Variants in ROCK2 observed in about 807,000 individuals in gnomAD.
ROCK2 encodes the protein Rho associated coiled-coil containing protein kinase 2, also known as rho-associated protein kinase 2.
Under a neutral mutation model 195.1 loss-of-function variants are expected in ROCK2, and 61 were observed. The observed-to-expected ratio is 0.31, with a 90% CI of 0.25 to 0.39. ROCK2 has a LOEUF of 0.39. Among genes scored for constraint, ROCK2 ranks in the 10% least tolerant of loss-of-function variants. ROCK2 has a pLI of 1.00. For missense variants in ROCK2, 1,109 were observed against 1,637.4 expected (o/e 0.68, Z 5.57); for synonymous variants, 504 against 545.5 (o/e 0.92, Z 1.06).
chr2:11,282,972 A>G (rs1667058795), intron 3 of ROCK2, among the ~76,000 whole-genome samples: 1 of 152,220 alleles, frequency 6.6e-6, no homozygotes, highest in Non-Finnish European at 1.5e-5. Context: ...CACTTCATCA[A>G]AGAAGATATA....
intron 3 of ROCK2, among the ~76,000 whole-genome samples, chr2:11,268,486 C>T (rs1666499721): frequency 2.0e-5 from 1 of 49,198 alleles, no homozygotes; most frequent in African/African-American, 4.4e-5. Context: ...GTGTTTTTTT[C>T]CTTGTGTGTG....
intron 3 of ROCK2, among the ~76,000 whole-genome samples, chr2:11,258,495 T>C (rs1032088121): frequency 6.6e-6 from 1 of 151,282 alleles, no homozygotes; most frequent in African/African-American, 2.5e-5. Flanking sequence ...ACATTCTGAA[T>C]CACCAAAACT....
At chr2:11,223,511 A>C (rs1426861099) in intron 7 of ROCK2, among the ~76,000 whole-genome samples, 1 of 152,176 alleles carries the variant, frequency 6.6e-6, no homozygotes, top group Non-Finnish European at 1.5e-5. Context: ...AATAAGCAAT[A>C]AGATGTGCTA....
chr2:11,323,004 TGAA>T (rs1429277164), intron 1 of ROCK2, among the ~76,000 whole-genome samples: 13 of 152,068 alleles, frequency 8.5e-5, no homozygotes, highest in African/African-American at 3.1e-4. Flanking sequence ...TTTTGAAGAG[TGAA>T]GAAGATTAAC....
At chr2:11,188,854 G>A (rs551749288) in intron 32 of ROCK2, among the ~76,000 whole-genome samples, 2 of 151,710 alleles carry the variant, frequency 1.3e-5, no homozygotes, top group South Asian at 4.2e-4. Flanking sequence ...TCGATCTCCT[G>A]ACCACGTGAT....
At chr2:11,297,745 C>A (rs1667580715) in intron 1 of ROCK2, among the ~76,000 whole-genome samples, 1 of 152,102 alleles carries the variant, frequency 6.6e-6, no homozygotes, top group Non-Finnish European at 1.5e-5. Context: ...CTTTTTGTGG[C>A]TATTACCACA....
intron 3 of ROCK2, among the ~76,000 whole-genome samples, chr2:11,256,736 T>G (rs942626134): frequency 1.3e-5 from 2 of 151,324 alleles, no homozygotes; most frequent in Admixed American, 6.6e-5. Flanking sequence ...TTATAAGAGA[T>G]AAGGTAATTT....
At chr2:11,306,617 T>A (rs78386663) in intron 1 of ROCK2, among the ~76,000 whole-genome samples, 2 of 152,148 alleles carry the variant, frequency 1.3e-5, no homozygotes, top group African/African-American at 2.4e-5. Flanking sequence ...TAAGAATCAA[T>A]TGCAAAATAA....
intron 6 of ROCK2, 58 bp downstream of exon 6, chr2:11,227,196 A>C: frequency 7.0e-7 from 1 of 1,436,632 alleles, no homozygotes; most frequent in Non-Finnish European, 9.5e-7. Flanking sequence ...CAAATTCTTG[A>C]CTGAAATAAA....
chr2:11,250,099 C>T (rs965596759), intron 3 of ROCK2, among the ~76,000 whole-genome samples: 4 of 152,010 alleles, frequency 2.6e-5, no homozygotes, highest in African/African-American at 7.2e-5. Context: ...AGCTAACCAA[C>T]TTTAAGAATG....
At chr2:11,321,435 CA>C (rs1421689448) in intron 1 of ROCK2, among the ~76,000 whole-genome samples, 1 of 151,370 alleles carries the variant, frequency 6.6e-6, no homozygotes, top group Non-Finnish European at 1.5e-5. Flanking sequence ...CTCAGCCTCC[CA>C]AGTGCTGGGA....
chr2:11,250,282 T>C (rs1292508742), intron 3 of ROCK2, among the ~76,000 whole-genome samples: 1 of 152,224 alleles, frequency 6.6e-6, no homozygotes, highest in Non-Finnish European at 1.5e-5. Context: ...TATTTCTCTT[T>C]AGGTGCCCTA....
At chr2:11,325,328 T>TC (rs1448753395) in intron 1 of ROCK2, among the ~76,000 whole-genome samples, 1 of 152,184 alleles carries the variant, frequency 6.6e-6, no homozygotes, top group East Asian at 1.9e-4. Flanking sequence ...TTGGAACCAA[T>TC]CCCCCTTGGA....
intron 18 of ROCK2, among the ~76,000 whole-genome samples, chr2:11,210,205 A>C (rs1370403860): frequency 6.6e-6 from 1 of 152,088 alleles, no homozygotes. Flanking sequence ...GAATTGGTTC[A>C]TTTTTATCAA....
chr2:11,235,720 C>A lies in ROCK2; in HGVS notation c.705G>T (p.Thr235=). The change falls in exon 5 of 33, where the codon ACG becomes ACT. Residue 235 remains threonine (T), a synonymous_variant. Coordinates refer to ENST00000315872, the MANE Select transcript of ROCK2 (RefSeq NM_004850.5). The surrounding 1 kb of genome is among the most constrained non-coding windows in gnomAD (Gnocchi z 4.2). ...HGHLKLADFG[T]CMKMDETGMV... ...TACTTACTTCATCCATCTTCATACA[C>A]GTGCCAAAATCTGCTAATTTTAGAT... 6.2e-7 allele frequency: 1 copy of A among 1,611,722 alleles called. No homozygotes were observed. Among genetic ancestry groups the A allele is most frequent in the Non-Finnish European group, 8.5e-7 (1 of 1,179,062 alleles).
chr2:11,342,621 C>T (rs1410614065), intron 1 of ROCK2, among the ~76,000 whole-genome samples: 1 of 152,170 alleles, frequency 6.6e-6, no homozygotes, highest in African/African-American at 2.4e-5. Context: ...AGTGAAAATG[C>T]TGGGAGTGCA....
In ROCK2 at chr2:11,197,079, A is replaced by C. The variant is rs1663666949; in HGVS notation, c.3448+101T>G. 6 of 712,582 alleles carry C rather than the reference A, an allele frequency of 8.4e-6. No homozygotes were observed. In the East Asian group the frequency reaches 1.9e-4, roughly 23 times the overall value. The allele number at this position is 712,582 out of a possible 1,614,324, so 44.1% of individuals were successfully genotyped here. On this transcript the variant is annotated intron_variant, in intron 27 of 32. Transcript: ENST00000315872. The surrounding 1 kb of genome is among the most constrained non-coding windows in gnomAD (Gnocchi z 4.9). The stretch of plus-strand genomic sequence containing the variant: ...CAAGGAGTAGGTTTTCCCTTAAAGA[A>C]ATTACAAACATTTTTCCTTCAGAGC...
Position 11,197,176 on chromosome 2 carries a change from A to G in ROCK2, c.3448+4T>C, listed in dbSNP as rs199954955. 1.9e-6 allele frequency: 3 copies of G among 1,589,380 alleles called. No individual in the cohort carries two copies. The South Asian group carries it at 3.5e-5, about 18-fold the overall frequency. On this transcript the variant is annotated splice_donor_region_variant and intron_variant, in intron 27 of 32. Transcript: ENST00000315872. The surrounding 1 kb of genome is among the most constrained non-coding windows in gnomAD (Gnocchi z 4.9). ...AAATATTAGTGCTGAAAACAAATCC[A>G]TACCTGGAAACCCATCATCTGCCTC...
At chr2:11,186,406 T>C (rs1477257738) in intron 32 of ROCK2, among the ~76,000 whole-genome samples, 1 of 152,212 alleles carries the variant, frequency 6.6e-6, no homozygotes, top group East Asian at 1.9e-4. Context: ...AATTTAAGTC[T>C]AATCGCTAGA....
Sources: gnomAD v4.1 joint callset for allele counts (sites outside exome capture counted in the v4.1 genomes callset) on GRCh38, gnomAD v4.1.1 for gene constraint, Gnocchi (gnomAD v3.1) non-coding constraint, MANE v1.5 for transcripts, NCBI Gene and HGNC (gene_info 2026-07-23, HGNC 2026-07-21) for gene names.